Variants in ITGB5 observed in about 807,000 individuals in gnomAD.
The protein encoded by ITGB5 is integrin beta-5.
Under a neutral mutation model 84.8 loss-of-function variants are expected in ITGB5, and 38 were observed. The observed-to-expected ratio is 0.45, with a 90% confidence interval of 0.35 to 0.59. ITGB5 has a LOEUF of 0.59. Ranked by LOEUF, ITGB5 falls within the 20% of genes least tolerant of loss-of-function variation. The pLI, the probability that ITGB5 is intolerant of heterozygous loss-of-function variation, is 0.01. For missense variants in ITGB5, 905 were observed against 1,034.5 expected, an observed-to-expected ratio of 0.87 and a Z score of 1.72; for synonymous variants, 393 against 414.4, an observed-to-expected ratio of 0.95 and a Z score of 0.63.
intron 9 of ITGB5, among the ~76,000 whole-genome samples, chr3:124,803,219 C>A (rs1265640640): frequency 6.6e-6 from 1 of 152,182 alleles, no homozygotes; most frequent in Non-Finnish European, 1.5e-5. Context: ...GGGTGTCCAT[C>A]CATAAGTGGC....
intron 10 of ITGB5, among the ~76,000 whole-genome samples, chr3:124,788,140 T>C (rs896777398): frequency 6.6e-6 from 1 of 152,048 alleles, no homozygotes; most frequent in Non-Finnish European, 1.5e-5. Flanking sequence ...GCTCAAGCAA[T>C]CCACCCACCA....
At chr3:124,831,277 G>T (rs2064856661) in intron 5 of ITGB5, among the ~76,000 whole-genome samples, 1 of 152,108 alleles carries the variant, frequency 6.6e-6, no homozygotes, top group African/African-American at 2.4e-5. Context: ...CCCTGGATGT[G>T]GTCTGACCTG....
intron 11 of ITGB5, chr3:124,769,520 C>T (rs1335683636): frequency 6.3e-6 from 1 of 158,594 alleles, no homozygotes; most frequent in Middle Eastern, 3.2e-3. Flanking sequence ...CCAACATTGT[C>T]CTAGTTCCCC....
At position 124,763,309 on chromosome 3, in the gene ITGB5, G is replaced by A. The variant is rs1244956667; in HGVS notation, c.*314C>T. 8 of 227,686 alleles carry A rather than the reference G, an allele frequency of 3.5e-5. No homozygotes were observed. Among genetic ancestry groups the A allele is most frequent in the Non-Finnish European group, 6.9e-5 (8 of 115,124 alleles). The allele number at this position is 227,686 out of a possible 1,614,324, so 14.1% of individuals were successfully genotyped here. A position where few individuals can be genotyped will look rare whatever the true frequency, so the allele number is the denominator to read the frequency against. ...GGGGGCCCAGCATTCCTGGAAGGGA[G>A]AGACAGCCCAGCATCTCAGTATTTC... is the stretch of plus-strand genomic sequence containing the variant. On this transcript the variant is annotated 3_prime_UTR_variant, in exon 15 of 15. Transcript: ENST00000296181.
At chr3:124,853,675 A>G (rs1290319605) in intron 3 of ITGB5, among the ~76,000 whole-genome samples, 1 of 152,234 alleles carries the variant, frequency 6.6e-6, no homozygotes, top group Non-Finnish European at 1.5e-5. Context: ...AAGGGAGGAA[A>G]AAAATAGGGG....
intron 5 of ITGB5, among the ~76,000 whole-genome samples, chr3:124,828,372 G>A (rs1388728691): frequency 2.0e-5 from 3 of 152,122 alleles, no homozygotes; most frequent in Admixed American, 6.5e-5. Flanking sequence ...ATACACTAAC[G>A]GCGTGAATGA....
rs188545644 is a variant in ITGB5 at position 124,878,293 on chromosome 3, T to C, written c.71-4762A>G. Among the ~76,000 whole-genome samples, 283 of 152,348 alleles carry C rather than the reference T, an allele frequency of 1.9e-3. 3 individuals are homozygous for C. Among genetic ancestry groups the C allele is most frequent in the African/African-American group, 6.5e-3 (269 of 41,570 alleles). The stretch of plus-strand genomic sequence containing the variant: ...CAGATCAGACTGAGCTCTGGTCTTC[T>C]GGTCCACCAGCCTAAAAGCCCTTAC... On this transcript the variant is annotated intron_variant, in intron 1 of 14. Coordinates refer to ENST00000296181, the MANE Select transcript of ITGB5 (RefSeq NM_002213.5).
chr3:124,789,381 A>T (rs767233455), intron 10 of ITGB5, among the ~76,000 whole-genome samples: 1,628 of 137,650 alleles, frequency 0.012, 69 homozygotes, highest in African/African-American at 0.043. Flanking sequence ...GACAGGGTTA[A>T]CAGAACCGCC....
intron 10 of ITGB5, among the ~76,000 whole-genome samples, chr3:124,788,324 C>T (rs2064111506): frequency 6.6e-6 from 1 of 152,190 alleles, no homozygotes; most frequent in African/African-American, 2.4e-5. Flanking sequence ...GAGCCATTTC[C>T]TTTCCATTAT....
chr3:124,777,687 T>C (rs2063944732), intron 10 of ITGB5, among the ~76,000 whole-genome samples: 1 of 152,208 alleles, frequency 6.6e-6, no homozygotes, highest in South Asian at 2.1e-4. Flanking sequence ...CCAAGTAGGT[T>C]CTACCAAGTG....
At chr3:124,799,356 C>T (rs1416004466) in intron 9 of ITGB5, among the ~76,000 whole-genome samples, 1 of 152,024 alleles carries the variant, frequency 6.6e-6, no homozygotes. Context: ...GCCAGGAGTT[C>T]GAGACCAACC....
chr3:124,769,863 G>T (rs1263487304), intron 11 of ITGB5: 1 of 152,242 alleles, frequency 6.6e-6, no homozygotes, highest in Non-Finnish European at 1.5e-5. Context: ...TTTAACAGGG[G>T]CCTCCTCTAG....
chr3:124,882,710 AG>A (rs1934629800), intron 1 of ITGB5, among the ~76,000 whole-genome samples: 1 of 152,230 alleles, frequency 6.6e-6, no homozygotes, highest in African/African-American at 2.4e-5. Context: ...TCTGAGGGAC[AG>A]TTGAGAATAA....
At chr3:124,898,445 C>T (rs1343102530) in intron 1 of ITGB5, among the ~76,000 whole-genome samples, 2 of 147,612 alleles carry the variant, frequency 1.4e-5, no homozygotes, top group Non-Finnish European at 3.0e-5. Flanking sequence ...AGATCGAGAC[C>T]ATCCTGGCTA....
At chr3:124,871,086 T>C (rs1163948895) in intron 2 of ITGB5, among the ~76,000 whole-genome samples, 26 of 152,122 alleles carry the variant, frequency 1.7e-4, no homozygotes, top group Admixed American at 1.7e-3. Flanking sequence ...AGACGGGGTT[T>C]CGTCATGTTG....
At chr3:124,897,095 G>A (rs1935118458) in intron 1 of ITGB5, among the ~76,000 whole-genome samples, 1 of 152,078 alleles carries the variant, frequency 6.6e-6, no homozygotes, top group Non-Finnish European at 1.5e-5. Context: ...TGCAGATTGT[G>A]TTTCTTCCTC....
At chr3:124,779,516 T>G (rs2063972478) in intron 10 of ITGB5, among the ~76,000 whole-genome samples, 1 of 152,076 alleles carries the variant, frequency 6.6e-6, no homozygotes, top group Non-Finnish European at 1.5e-5. Flanking sequence ...AAGAGGAGCC[T>G]GTTCACCATG....
intron 10 of ITGB5, among the ~76,000 whole-genome samples, chr3:124,778,168 G>A (rs2063951618): frequency 6.6e-6 from 1 of 152,206 alleles, no homozygotes; most frequent in Non-Finnish European, 1.5e-5. Flanking sequence ...CACATAGATA[G>A]GGATACTGAA....
chr3:124,796,554 G>A lies in ITGB5; in HGVS notation c.1527C>T (p.Tyr509=). 6.2e-7 allele frequency: 1 copy of A among 1,614,134 alleles called. No individual in the cohort carries two copies. The highest frequency in any genetic ancestry group is 8.5e-7 in the Non-Finnish European group (1 of 1,180,030). Residue 509 remains tyrosine, a synonymous_variant, in exon 10 of 15, where the codon TAC becomes TAT. Transcript: ENST00000296181. The stretch of plus-strand genomic sequence containing the variant: ...CCTCTGCCTCCCGGCACAGGTTCTG[G>A]TACACGCTCTGGTTCTCCCCATCCT... ...ECQDGENQSV[Y]QNLCREAEGK...
Sources: gnomAD v4.1 joint callset for allele counts (sites outside exome capture counted in the v4.1 genomes callset) on GRCh38, gnomAD v4.1.1 for gene constraint, MANE v1.5 for transcripts, NCBI Gene and HGNC (gene_info 2026-07-23, HGNC 2026-07-21) for gene names.